Variants in PMFBP1 observed in about 807,000 individuals in gnomAD.
PMFBP1 encodes polyamine modulated factor 1 binding protein 1.
A neutral mutation model predicts 137.8 loss-of-function variants in PMFBP1; 131 were observed. That is an observed-to-expected ratio of 0.95 (90% confidence interval 0.82 to 1.10). The LOEUF (loss-of-function observed/expected upper bound fraction) is 1.10. PMFBP1 is among the 50% of genes least tolerant of loss of function. PMFBP1 has a pLI of 0.00. For synonymous variants in PMFBP1, 490 were observed against 450.4 expected, an observed-to-expected ratio of 1.09 and a Z score of -1.11; for missense variants, 1,199 against 1,175.4, an observed-to-expected ratio of 1.02 and a Z score of -0.29.
chr16:72,144,585 T>G (rs530830911), intron 5 of PMFBP1, among the ~76,000 whole-genome samples: 1 of 152,286 alleles, frequency 6.6e-6, no homozygotes, highest in African/African-American at 2.4e-5. Context: ...ATTCGAGCCT[T>G]ATGTCATTAT....
chr16:72,228,684 G>A, the PMFBP1 span, among the ~76,000 whole-genome samples: 1 of 152,124 alleles, frequency 6.6e-6, no homozygotes, highest in Non-Finnish European at 1.5e-5. Context: ...TAAATTTGGG[G>A]TGCCTCTCTA....
At chr16:72,237,630 A>T in the PMFBP1 span, among the ~76,000 whole-genome samples, 2 of 152,218 alleles carry the variant, frequency 1.3e-5, no homozygotes, top group Admixed American at 1.3e-4. Context: ...AGCCAACTCT[A>T]TATGTCTTTT....
chr16:72,214,228 T>C, the PMFBP1 span, among the ~76,000 whole-genome samples: 3 of 152,006 alleles, frequency 2.0e-5, no homozygotes, highest in African/African-American at 7.2e-5. Flanking sequence ...GGAGTCTTGC[T>C]CCATCGCCCA....
At chr16:72,189,295 G>T in the PMFBP1 span, among the ~76,000 whole-genome samples, 1 of 152,192 alleles carries the variant, frequency 6.6e-6, no homozygotes, top group Non-Finnish European at 1.5e-5. Context: ...TTGCTCCAGA[G>T]TCCATGCCCT....
the PMFBP1 span, among the ~76,000 whole-genome samples, chr16:72,206,217 AG>A: frequency 1.3e-5 from 2 of 152,124 alleles, no homozygotes; most frequent in African/African-American, 4.8e-5. Flanking sequence ...GGTCTCTTTG[AG>A]CCTCTGTTTC....
At chr16:72,123,481 C>T (rs970590967) in intron 18 of PMFBP1, 65 bp downstream of exon 18, 40 of 1,403,804 alleles carry the variant, frequency 2.8e-5, no homozygotes, top group Middle Eastern at 1.8e-4. Context: ...ATCTTTGGCA[C>T]GCATGTGGCT....
rs74944699 is a variant in PMFBP1 at position 72,161,739 on chromosome 16, A to G, written c.165+3025T>C. Among the ~76,000 whole-genome samples, 419 of 152,206 alleles carry G rather than the reference A, an allele frequency of 2.8e-3. 1 individual carries two copies. Among genetic ancestry groups the G allele is most frequent in the Middle Eastern group, 6.8e-3 (2 of 294 alleles). ...ATTACTATGAACTATACTTTATTGG[A>G]TTTCACCAGTTTTTCCACTAACGTG... On this transcript the variant is annotated intron_variant, in intron 3 of 20. Transcript: ENST00000237353.
At chr16:72,185,735 G>A in the PMFBP1 span, among the ~76,000 whole-genome samples, 1 of 152,118 alleles carries the variant, frequency 6.6e-6, no homozygotes, top group South Asian at 2.1e-4. Context: ...GAAATAACTG[G>A]CACATAGTGG....
chr16:72,202,530 C>T, the PMFBP1 span, among the ~76,000 whole-genome samples: 71 of 152,244 alleles, frequency 4.7e-4, 2 homozygotes, highest in South Asian at 5.6e-3. Flanking sequence ...CTCCCTAGGT[C>T]CCACCCCGAC....
chr16:72,126,031 G>C lies in PMFBP1; in HGVS notation c.2190C>G (p.Ala730=). ...CTGACTTCCGGGATAATGCATCATA[G>C]GCTTCTTTGGTGATGGTAGTCTGGA... ...HYLQTTITKE[A]YDALSRKSAA... Residue 730 remains alanine, a synonymous_variant, in exon 15 of 21, where the codon GCC becomes GCG. Coordinates refer to ENST00000237353, the MANE Select transcript of PMFBP1 (RefSeq NM_031293.3). 1 of 1,614,224 alleles carries C rather than the reference G, an allele frequency of 6.2e-7. No individual in the cohort carries two copies. The highest frequency in any genetic ancestry group is 8.5e-7 in the Non-Finnish European group (1 of 1,180,040).
At chr16:72,155,238 C>G (rs2042964037) in intron 3 of PMFBP1, among the ~76,000 whole-genome samples, 1 of 152,152 alleles carries the variant, frequency 6.6e-6, no homozygotes, top group Non-Finnish European at 1.5e-5. Context: ...TCCAGCATCC[C>G]TTATGACAAT....
the PMFBP1 span, among the ~76,000 whole-genome samples, chr16:72,188,207 A>G: frequency 2.6e-5 from 4 of 152,264 alleles, no homozygotes; most frequent in Admixed American, 2.0e-4. Flanking sequence ...TGAAAGGAGC[A>G]AAAGAGGTGA....
chr16:72,247,042 C>A, the PMFBP1 span, among the ~76,000 whole-genome samples: 1 of 152,218 alleles, frequency 6.6e-6, no homozygotes, highest in African/African-American at 2.4e-5. Context: ...AAGCTGACTT[C>A]TTACTCCCCA....
intron 3 of PMFBP1, among the ~76,000 whole-genome samples, chr16:72,163,021 T>G (rs1289660782): frequency 6.6e-6 from 1 of 152,204 alleles, no homozygotes. Context: ...AGAGGAACAA[T>G]TTGTGGTTTC....
the PMFBP1 span, among the ~76,000 whole-genome samples, chr16:72,246,543 G>A: frequency 6.6e-6 from 1 of 151,834 alleles, no homozygotes; most frequent in Non-Finnish European, 1.5e-5. Context: ...TGCTTGAGGT[G>A]ACAACTTCCC....
intron 5 of PMFBP1, among the ~76,000 whole-genome samples, chr16:72,146,426 A>T (rs781272094): frequency 1.9e-4 from 29 of 152,190 alleles, no homozygotes; most frequent in Non-Finnish European, 3.4e-4. Context: ...TCATACTGAA[A>T]GGGCAAAAAC....
At chr16:72,217,563 GTC>G in the PMFBP1 span, among the ~76,000 whole-genome samples, 1 of 152,164 alleles carries the variant, frequency 6.6e-6, no homozygotes, top group Non-Finnish European at 1.5e-5. Context: ...ACTTTTAAAA[GTC>G]TCTAGGCCAG....
chr16:72,215,249 AT>A, the PMFBP1 span, among the ~76,000 whole-genome samples: 1 of 152,142 alleles, frequency 6.6e-6, no homozygotes, highest in African/African-American at 2.4e-5. Flanking sequence ...GAGCCCTTAA[AT>A]TAAAGAAGCA....
At chr16:72,136,330 T>A in intron 9 of PMFBP1, 118 bp downstream of exon 9, 1 of 1,169,992 alleles carries the variant, frequency 8.5e-7, no homozygotes, top group East Asian at 2.4e-5. Flanking sequence ...ACCATCTCAC[T>A]GTGCTTGTGT....
Sources: gnomAD v4.1 joint callset for allele counts (sites outside exome capture counted in the v4.1 genomes callset) on GRCh38, gnomAD v4.1.1 for gene constraint, MANE v1.5 for transcripts, NCBI Gene and HGNC (gene_info 2026-07-23, HGNC 2026-07-21) for gene names.